Variants in ACYP2 observed in about 807,000 individuals in gnomAD.
ACYP2 encodes the protein acylphosphatase 2, also known as acylphosphatase-2.
In ACYP2, 12 loss-of-function variants were observed where a neutral mutation model predicts 11.2. The ratio of observed to expected loss-of-function variants is 1.08; its 90% CI spans 0.69 to 1.74. The LOEUF is 1.74. Among genes scored for constraint, ACYP2 ranks in the 40% most tolerant of loss-of-function variants. The pLI is 0.00. For missense variants in ACYP2, 134 were observed against 101.9 expected (o/e 1.31, Z -1.35); for synonymous variants, 43 against 32.2 (o/e 1.33, Z -1.13).
chr2:54,072,734 TG>T (rs1677131595), intron 4 of ACYP2, among the ~76,000 whole-genome samples: 1 of 152,034 alleles, frequency 6.6e-6, no homozygotes, highest in African/African-American at 2.4e-5. Flanking sequence ...GGCTAATTTT[TG>T]TATTTTTAGT....
At chr2:54,064,413 T>A (rs1320501632) in intron 4 of ACYP2, among the ~76,000 whole-genome samples, 1 of 152,160 alleles carries the variant, frequency 6.6e-6, no homozygotes, top group Non-Finnish European at 1.5e-5. Flanking sequence ...GTTTCCAGGG[T>A]GTTGGCAGTG....
intron 4 of ACYP2, among the ~76,000 whole-genome samples, chr2:54,076,795 T>TG (rs2103657954): frequency 6.6e-6 from 1 of 151,718 alleles, no homozygotes; most frequent in East Asian, 1.9e-4. Flanking sequence ...CCCTTAGGAG[T>TG]GGTCAAATAT....
intron 4 of ACYP2, among the ~76,000 whole-genome samples, chr2:54,120,948 G>A (rs1351483379): frequency 1.3e-5 from 2 of 152,200 alleles, no homozygotes; most frequent in Admixed American, 1.3e-4. Context: ...TGCAGCTTCA[G>A]TGAATGGGAG....
intron 6 of ACYP2, among the ~76,000 whole-genome samples, chr2:54,284,296 G>T (rs1223724016): frequency 6.6e-6 from 1 of 152,194 alleles, no homozygotes; most frequent in Non-Finnish European, 1.5e-5. Context: ...CTCCCATGGA[G>T]CCTGGACAAA....
intron 6 of ACYP2, among the ~76,000 whole-genome samples, chr2:54,264,431 T>G: frequency 6.6e-6 from 1 of 152,160 alleles, no homozygotes; most frequent in Non-Finnish European, 1.5e-5. Flanking sequence ...CAGAAAAGTT[T>G]TCCAACTCCC....
At chr2:53,985,569 A>G (rs1473781453) in intron 2 of ACYP2, among the ~76,000 whole-genome samples, 1 of 152,212 alleles carries the variant, frequency 6.6e-6, no homozygotes, top group Non-Finnish European at 1.5e-5. Context: ...AAAATACAGA[A>G]CTATCCAAAT....
At chr2:54,239,940 T>C (rs1032933473) in intron 6 of ACYP2, among the ~76,000 whole-genome samples, 2 of 152,250 alleles carry the variant, frequency 1.3e-5, no homozygotes, top group African/African-American at 4.8e-5. Flanking sequence ...ACTTTAGAAG[T>C]AATCCCTAAA....
chr2:54,201,608 C>CTTTCTTTCTTTCTTTCTTTCTT (rs1558608511), intron 6 of ACYP2, among the ~76,000 whole-genome samples: 5 of 79,858 alleles, frequency 6.3e-5, no homozygotes, highest in African/African-American at 2.4e-4. Context: ...TTCTTTCTTT[C>CTTTCTTTCTTTCTTTCTTTCTT]TTTCTTTCTT....
rs139751443 is a variant in ACYP2 at position 54,089,868 on chromosome 2, G to A, written c.277+32508G>A. ...TAACTATTAAAAAGTTTGCTCAGCC[G>A]GACACGGTGGCTCATACCTGTAATC... On this transcript the variant is annotated intron_variant, in intron 4 of 6. Coordinates refer to ENST00000607452, the MANE Select transcript of ACYP2 (RefSeq NM_001320586.2). Among the ~76,000 whole-genome samples, 98 of 151,718 alleles carry A rather than the reference G, an allele frequency of 6.5e-4. 1 individual carries two copies. In the East Asian group the frequency reaches 0.011, roughly 17 times the overall value.
intron 4 of ACYP2, among the ~76,000 whole-genome samples, chr2:54,135,128 G>A (rs573379136): frequency 7.6e-4 from 116 of 152,290 alleles, no homozygotes; most frequent in African/African-American, 2.7e-3. Flanking sequence ...CACAAGCACT[G>A]CAGTACCACC....
At chr2:54,167,941 A>G (rs1683064034) in intron 6 of ACYP2, among the ~76,000 whole-genome samples, 1 of 152,132 alleles carries the variant, frequency 6.6e-6, no homozygotes, top group Non-Finnish European at 1.5e-5. Flanking sequence ...AATATGAAAG[A>G]CAGAAGTCTT....
chr2:53,993,722 A>G lies in ACYP2; in HGVS notation c.62+19912A>G, dbSNP rs373340304. Among the ~76,000 whole-genome samples the G allele has an allele frequency of 1.9e-3, 283 of 152,232 alleles. 8 individuals carry two copies. In the South Asian group the frequency reaches 0.047, roughly 25 times the overall value. ...GGATGAAAAAAAAAAAGATTTGGGA[A>G]TCAAAAGATAAGCTATTTCTGGTAG... On this transcript the variant is annotated intron_variant, in intron 2 of 6. Coordinates refer to ENST00000607452, the MANE Select transcript of ACYP2 (RefSeq NM_001320586.2).
At chr2:54,241,095 C>T (rs1686709830) in intron 6 of ACYP2, among the ~76,000 whole-genome samples, 1 of 152,168 alleles carries the variant, frequency 6.6e-6, no homozygotes, top group African/African-American at 2.4e-5. Flanking sequence ...ATCATCTTTT[C>T]AGCCTTGGAG....
intron 2 of ACYP2, among the ~76,000 whole-genome samples, chr2:54,047,691 A>G (rs1675600087): frequency 6.6e-6 from 1 of 152,216 alleles, no homozygotes; most frequent in South Asian, 2.1e-4. Flanking sequence ...GCTTATTACT[A>G]TAATTAAAAG....
chr2:54,107,318 A>G (rs989610280), intron 4 of ACYP2, among the ~76,000 whole-genome samples: 4 of 152,202 alleles, frequency 2.6e-5, no homozygotes, highest in Non-Finnish European at 5.9e-5. Flanking sequence ...TATTTATTCT[A>G]TAATCTTTCA....
intron 6 of ACYP2, among the ~76,000 whole-genome samples, chr2:54,204,860 T>G (rs1685006816): frequency 6.6e-6 from 1 of 152,228 alleles, no homozygotes; most frequent in Admixed American, 6.5e-5. Flanking sequence ...TCATTATTTC[T>G]GCTTTGTGAT....
intron 6 of ACYP2, among the ~76,000 whole-genome samples, chr2:54,295,328 A>G (rs1689481797): frequency 6.6e-6 from 1 of 152,226 alleles, no homozygotes; most frequent in African/African-American, 2.4e-5. Flanking sequence ...GAGAAGGAAT[A>G]TAGTCATTGC....
chr2:54,253,730 C>G (rs1354779940), intron 6 of ACYP2: 1 of 152,230 alleles, frequency 6.6e-6, no homozygotes, highest in East Asian at 1.9e-4. Context: ...TCTATCCACT[C>G]TGAACTAGAA....
At chr2:54,016,898 TG>T (rs1673718406) in intron 2 of ACYP2, among the ~76,000 whole-genome samples, 1 of 152,080 alleles carries the variant, frequency 6.6e-6, no homozygotes, top group Non-Finnish European at 1.5e-5. Context: ...GCTAATTTTT[TG>T]TATTTTTAGT....
Sources: gnomAD v4.1 joint callset for allele counts (sites outside exome capture counted in the v4.1 genomes callset) on GRCh38, gnomAD v4.1.1 for gene constraint, MANE v1.5 for transcripts, NCBI Gene and HGNC (gene_info 2026-07-23, HGNC 2026-07-21) for gene names.